Variants in NXPE4 observed in about 807,000 individuals in gnomAD.
The protein encoded by NXPE4 is neurexophilin and PC-esterase domain family member 4.
NXPE4 carries 42 observed loss-of-function variants against 33.3 expected under a neutral mutation model. The observed-to-expected ratio is 1.26, with a 90% confidence interval of 0.98 to 1.63. The LOEUF (loss-of-function observed/expected upper bound fraction) is 1.63, where lower values mean the gene tolerates loss of function less well. Ranked by LOEUF, NXPE4 falls within the 40% of genes most tolerant of loss-of-function variation. The pLI, the probability that NXPE4 is intolerant of heterozygous loss-of-function variation, is 0.00. For synonymous variants in NXPE4, 253 were observed against 234.9 expected, an observed-to-expected ratio of 1.08 and a Z score of -0.71; for missense variants, 709 against 647.6, an observed-to-expected ratio of 1.09 and a Z score of -1.03.
the NXPE4 span, among the ~76,000 whole-genome samples, chr11:114,603,805 T>A: frequency 6.6e-6 from 1 of 151,886 alleles, no homozygotes; most frequent in Non-Finnish European, 1.5e-5. Flanking sequence ...AAGTATTGCC[T>A]CGTCTCCTAG....
chr11:114,665,300 T>C, the NXPE4 span, among the ~76,000 whole-genome samples: 382 of 152,284 alleles, frequency 2.5e-3, 2 homozygotes, highest in Non-Finnish European at 4.3e-3. Flanking sequence ...TCCCCCACAA[T>C]CTCTCTAATT....
intron 2 of NXPE4, among the ~76,000 whole-genome samples, chr11:114,591,909 G>A (rs901518003): frequency 6.6e-6 from 1 of 152,020 alleles, no homozygotes; most frequent in Non-Finnish European, 1.5e-5. Context: ...TTGTCAGGTG[G>A]CCCCTTCTCA....
At chr11:114,663,258 G>A in the NXPE4 span, among the ~76,000 whole-genome samples, 1 of 152,180 alleles carries the variant, frequency 6.6e-6, no homozygotes. Flanking sequence ...TGTGGTTTCA[G>A]TGCCAACTCA....
At chr11:114,662,026 C>T in the NXPE4 span, among the ~76,000 whole-genome samples, 3 of 152,046 alleles carry the variant, frequency 2.0e-5, no homozygotes, top group African/African-American at 7.2e-5. Flanking sequence ...CTCCACCTAC[C>T]CCCCGCAAGG....
chr11:114,607,575 A>G, the NXPE4 span, among the ~76,000 whole-genome samples: 4 of 151,944 alleles, frequency 2.6e-5, no homozygotes, highest in East Asian at 7.8e-4. Context: ...AACCACAGTT[A>G]CCCAGTGGAT....
chr11:114,582,409 C>G lies in NXPE4; in HGVS notation c.709G>C (p.Asp237His). Residue 237 changes from aspartate to histidine, a missense_variant, in exon 3 of 6, where the codon GAC becomes CAC. By Grantham distance (81) the Asp-to-His change is moderately conservative (BLOSUM62 -1). Transcript: ENST00000375478. ...AELCQYLDNRDQEGFYCVRPQ... is the reference protein window; with the variant it reads ...AELCQYLDNRHQEGFYCVRPQ... Reference sequence around the variant, plus strand: ...CTCACACAGTAGAAGCCTTCTTGGTCTCTGTTGTCCAGGTACTGGCACAAT... The same window carrying G: ...CTCACACAGTAGAAGCCTTCTTGGTGTCTGTTGTCCAGGTACTGGCACAAT... The G allele has an allele frequency of 6.2e-7, 1 of 1,614,204 alleles. No homozygotes were observed. The highest frequency in any genetic ancestry group is 8.5e-7 in the Non-Finnish European group (1 of 1,180,022).
At chr11:114,605,240 G>A in the NXPE4 span, among the ~76,000 whole-genome samples, 1 of 151,918 alleles carries the variant, frequency 6.6e-6, no homozygotes, top group Non-Finnish European at 1.5e-5. Context: ...GTTACCCACT[G>A]GATAATAAGT....
chr11:114,574,163 A>G (rs985762230), intron 5 of NXPE4, among the ~76,000 whole-genome samples: 25 of 152,146 alleles, frequency 1.6e-4, no homozygotes, highest in African/African-American at 5.5e-4. Context: ...TTTGAACTGA[A>G]CCATAATAGT....
At chr11:114,614,916 G>C in the NXPE4 span, among the ~76,000 whole-genome samples, 2 of 151,872 alleles carry the variant, frequency 1.3e-5, no homozygotes, top group Non-Finnish European at 2.9e-5. Flanking sequence ...CTGTTACCCA[G>C]TGGATAATGA....
upstream of NXPE4, among the ~76,000 whole-genome samples, chr11:114,596,947 C>A (rs1417211045): frequency 6.6e-6 from 1 of 152,174 alleles, no homozygotes; most frequent in Non-Finnish European, 1.5e-5. Context: ...ATCTGATGAG[C>A]TTTGAAACAG....
At chr11:114,650,276 G>A in the NXPE4 span, among the ~76,000 whole-genome samples, 238 of 152,266 alleles carry the variant, frequency 1.6e-3, 4 homozygotes, top group Middle Eastern at 0.017. Flanking sequence ...AATCCTGCAA[G>A]AATAAAAATG....
At chr11:114,621,494 C>T in the NXPE4 span, among the ~76,000 whole-genome samples, 11 of 152,114 alleles carry the variant, frequency 7.2e-5, no homozygotes, top group African/African-American at 2.4e-4. Flanking sequence ...CTCTATTACT[C>T]ATTGGAAAAT....
intron 2 of NXPE4, among the ~76,000 whole-genome samples, chr11:114,592,094 G>A (rs1239765701): frequency 6.6e-6 from 1 of 152,068 alleles, no homozygotes; most frequent in African/African-American, 2.4e-5. Context: ...AAAGTCAAAA[G>A]CCTTCTGAGA....
At chr11:114,603,015 TTCTC>T in the NXPE4 span, among the ~76,000 whole-genome samples, 7 of 151,210 alleles carry the variant, frequency 4.6e-5, no homozygotes, top group Admixed American at 2.0e-4. Flanking sequence ...TATATAATAA[TTCTC>T]TCATATATAA....
chr11:114,573,072 A>T (rs1230813325), intron 5 of NXPE4, among the ~76,000 whole-genome samples: 1 of 152,130 alleles, frequency 6.6e-6, no homozygotes, highest in East Asian at 1.9e-4. Flanking sequence ...CTCCTTAAAC[A>T]AAAAAATTAT....
At chr11:114,647,480 T>C in the NXPE4 span, among the ~76,000 whole-genome samples, 3 of 152,194 alleles carry the variant, frequency 2.0e-5, no homozygotes, top group Non-Finnish European at 4.4e-5. Context: ...TACCATGTTT[T>C]ATTTCCTTAA....
At chr11:114,623,063 G>A in the NXPE4 span, among the ~76,000 whole-genome samples, 4 of 152,218 alleles carry the variant, frequency 2.6e-5, no homozygotes, top group African/African-American at 7.2e-5. Context: ...GTTGCCTTGA[G>A]GGTAACCACT....
intron 2 of NXPE4, among the ~76,000 whole-genome samples, chr11:114,588,696 A>G (rs1381387486): frequency 2.0e-5 from 3 of 152,158 alleles, no homozygotes; most frequent in Admixed American, 1.3e-4. Context: ...TGGGGGGCCT[A>G]TGAAGAACTA....
the NXPE4 span, among the ~76,000 whole-genome samples, chr11:114,663,450 G>C: frequency 6.6e-6 from 1 of 152,086 alleles, no homozygotes; most frequent in Non-Finnish European, 1.5e-5. Flanking sequence ...GGTTGTCTTA[G>C]AAGGACATGG....
Sources: gnomAD v4.1 joint callset for allele counts (sites outside exome capture counted in the v4.1 genomes callset) on GRCh38, gnomAD v4.1.1 for gene constraint, MANE v1.5 for transcripts, NCBI Gene and HGNC (gene_info 2026-07-23, HGNC 2026-07-21) for gene names.